Variants in ZNF567 observed in about 807,000 individuals in gnomAD.
ZNF567 encodes zinc finger protein 567.
ZNF567 carries 36 observed loss-of-function variants against 53.9 expected under a neutral mutation model. The ratio of observed to expected loss-of-function variants is 0.67; its 90% CI spans 0.51 to 0.88. ZNF567 has a LOEUF of 0.88. Among genes scored for constraint, ZNF567 ranks in the 40% least tolerant of loss-of-function variants. The pLI, the probability that ZNF567 is intolerant of heterozygous loss-of-function variation, is 0.00. For missense variants in ZNF567, 619 were observed against 764.7 expected, an observed-to-expected ratio of 0.81 and a Z score of 2.25; for synonymous variants, 224 against 260.4, an observed-to-expected ratio of 0.86 and a Z score of 1.35.
At chr19:36,694,988 A>G in intron 3 of ZNF567, 112 bp downstream of exon 3, 1 of 1,212,102 alleles carries the variant, frequency 8.3e-7, no homozygotes, top group Non-Finnish European at 1.1e-6. Context: ...CTTTCCCTTC[A>G]GAAAACTGGT....
the ZNF567 span, among the ~76,000 whole-genome samples, chr19:36,679,183 G>A: frequency 2.0e-5 from 3 of 152,236 alleles, no homozygotes; most frequent in African/African-American, 7.2e-5. Context: ...ATACTTGGGA[G>A]GCTGAGGCAG....
At chr19:36,670,830 G>T in the ZNF567 span, among the ~76,000 whole-genome samples, 1 of 152,104 alleles carries the variant, frequency 6.6e-6, no homozygotes, top group South Asian at 2.1e-4. Context: ...GGCCGGGCGT[G>T]GTGGCTCACA....
chr19:36,727,200 T>G, downstream of ZNF567: 1 of 150,884 alleles, frequency 6.6e-6, no homozygotes, highest in African/African-American at 2.4e-5. Context: ...GCCTCCCAAG[T>G]AGCTGGGATT....
chr19:36,687,277 C>T (rs115507735), upstream of ZNF567: 262 of 154,672 alleles, frequency 1.7e-3, 1 homozygote, highest in African/African-American at 6.0e-3. Flanking sequence ...CCTGTCGCAG[C>T]CTCCTCGCCG....
chr19:36,685,440 C>T (rs1301529157), upstream of ZNF567: 2 of 152,062 alleles, frequency 1.3e-5, no homozygotes, highest in East Asian at 3.9e-4. Context: ...GTCTACATAC[C>T]CGTGAAATGA....
downstream of ZNF567, among the ~76,000 whole-genome samples, chr19:36,722,501 T>C (rs1343466669): frequency 6.6e-6 from 1 of 151,912 alleles, no homozygotes; most frequent in Non-Finnish European, 1.5e-5. Context: ...AGGGTTTCAC[T>C]GTGTTGGCCA....
intron 2 of ZNF567, among the ~76,000 whole-genome samples, chr19:36,691,577 A>G (rs746465302): frequency 1.3e-5 from 2 of 152,284 alleles, no homozygotes; most frequent in Non-Finnish European, 2.9e-5. Flanking sequence ...ATATATTTGG[A>G]TTTTTTTAAA....
intron 3 of ZNF567, among the ~76,000 whole-genome samples, chr19:36,702,717 C>T (rs1318570565): frequency 3.3e-5 from 5 of 152,168 alleles, no homozygotes; most frequent in South Asian, 2.1e-4. Flanking sequence ...TTGATCGCAT[C>T]GGCTCCTGAG....
chr19:36,701,626 A>G (rs1337427723), intron 3 of ZNF567, among the ~76,000 whole-genome samples: 1 of 151,570 alleles, frequency 6.6e-6, no homozygotes, highest in Non-Finnish European at 1.5e-5. Context: ...GGGTGCATAT[A>G]TATTTAGGAT....
At chr19:36,721,441 G>A (rs552300265), downstream of ZNF567, 1 of 152,206 alleles carries the variant, frequency 6.6e-6, no homozygotes, top group South Asian at 2.1e-4. Context: ...CATTCAGACT[G>A]GAGAATTTCT....
intron 5 of ZNF567, among the ~76,000 whole-genome samples, chr19:36,717,862 A>G (rs2040134816): frequency 6.6e-6 from 1 of 152,228 alleles, no homozygotes; most frequent in Non-Finnish European, 1.5e-5. Context: ...GGAAGGATGT[A>G]AGCCAGTCTT....
At chr19:36,684,889 G>A (rs907600928), upstream of ZNF567, among the ~76,000 whole-genome samples, 6 of 152,154 alleles carry the variant, frequency 3.9e-5, no homozygotes, top group African/African-American at 1.4e-4. Context: ...CAGTCCTTCA[G>A]AAAGTTACCT....
At chr19:36,679,186 T>C in the ZNF567 span, among the ~76,000 whole-genome samples, 260 of 152,176 alleles carry the variant, frequency 1.7e-3, no homozygotes, top group Non-Finnish European at 2.7e-3. Context: ...CTTGGGAGGC[T>C]GAGGCAGGAG....
At chr19:36,718,918 C>T (rs1256225975) in intron 5 of ZNF567, 30 bp from the exon 6 acceptor site, 2 of 1,507,460 alleles carry the variant, frequency 1.3e-6, no homozygotes, top group African/African-American at 2.8e-5. Context: ...TGAAGATTCA[C>T]AAATTGTTAT....
At position 36,700,092 on chromosome 19, in the gene ZNF567, G is replaced by A. The variant is rs1400185785; in HGVS notation, c.9+5216G>A. ...GATAGCTCTTATTATTTTGAGATAC[G>A]TCCCATCAATACCTAATTTATTGAG... On this transcript the variant is annotated intron_variant, in intron 3 of 5. Transcript: ENST00000682579. 1.1e-4 allele frequency among the ~76,000 whole-genome samples: 14 copies of A among 123,942 alleles called. 1 individual carries two copies. Among genetic ancestry groups the A allele is most frequent in the African/African-American group, 3.6e-4 (11 of 30,162 alleles). The allele number at this position is 123,942 out of a possible 152,430, so 81.3% of individuals were successfully genotyped here.
At chr19:36,718,719 A>G (rs1055296430) in intron 5 of ZNF567, among the ~76,000 whole-genome samples, 3 of 152,058 alleles carry the variant, frequency 2.0e-5, no homozygotes, top group African/African-American at 4.8e-5. Context: ...ACTTTCTCTA[A>G]GAAGTTTTAG....
At chr19:36,712,607 G>T (rs1411826388) in intron 4 of ZNF567, 95 bp downstream of exon 4, 6 of 1,547,642 alleles carry the variant, frequency 3.9e-6, no homozygotes, top group Non-Finnish European at 5.3e-6. Flanking sequence ...AAGAGGTGAT[G>T]AATTCCTTTT....
intron 3 of ZNF567, among the ~76,000 whole-genome samples, chr19:36,698,316 G>A (rs1222758507): frequency 1.3e-4 from 20 of 151,610 alleles, no homozygotes; most frequent in Non-Finnish European, 5.9e-5. Flanking sequence ...TCTTAATCCA[G>A]TCTATCATTG....
At position 36,720,615 on chromosome 19, in the gene ZNF567, A is replaced by C. The variant is rs756064584; in HGVS notation, c.1891A>C (p.Asn631His). Residue 631 changes from asparagine (N) to histidine (H), a missense_variant, in exon 6 of 6, where the codon AAC becomes CAC. Coordinates refer to ENST00000682579, the MANE Select transcript of ZNF567 (RefSeq NM_001322917.1). ...TGGTAAGTCTTTCAGTTATAAGAGAAACCTCATTGTCCATCAAAGAACTCA... is the reference window on the plus strand; with the variant it reads ...TGGTAAGTCTTTCAGTTATAAGAGACACCTCATTGTCCATCAAAGAACTCA... ...ECGKSFSYKR[N>H]LIVHQRTHKG... is the part of the protein sequence containing the mutation. 7 of 1,588,324 alleles carry C rather than the reference A, an allele frequency of 4.4e-6. No homozygotes were observed. Among genetic ancestry groups the C allele is most frequent in the Non-Finnish European group, 6.0e-6 (7 of 1,168,392 alleles).
Sources: gnomAD v4.1 joint callset for allele counts (sites outside exome capture counted in the v4.1 genomes callset) on GRCh38, gnomAD v4.1.1 for gene constraint, MANE v1.5 for transcripts, NCBI Gene and HGNC (gene_info 2026-07-23, HGNC 2026-07-21) for gene names.